NTM: variants seen among roughly 807,000 people sequenced by gnomAD.
NTM encodes the protein neurotrimin, also known as IgLON family member 2.
Under a neutral mutation model 42.1 loss-of-function variants are expected in NTM, and 13 were observed. That is an observed-to-expected ratio of 0.31 (90% confidence interval 0.20 to 0.49). NTM has a LOEUF of 0.49. Ranked by LOEUF, NTM falls within the 20% of genes least tolerant of loss-of-function variation. The probability of loss-of-function intolerance (pLI) is 0.99; values close to 1 mark genes in which losing one functional copy is unlikely to be tolerated. For synonymous variants in NTM, 187 were observed against 179.2 expected, an observed-to-expected ratio of 1.04 and a Z score of -0.35; for missense variants, 373 against 452.8, an observed-to-expected ratio of 0.82 and a Z score of 1.60.
chr11:131,899,785 T>A (rs1259712212), intron 1 of NTM, among the ~76,000 whole-genome samples: 8 of 152,212 alleles, frequency 5.3e-5, no homozygotes, highest in Non-Finnish European at 1.2e-4. Flanking sequence ...AGAGTTTTTT[T>A]ATTTTATTTT....
chr11:131,698,682 G>A (rs752841254), intron 1 of NTM, among the ~76,000 whole-genome samples: 20 of 152,354 alleles, frequency 1.3e-4, no homozygotes, highest in Middle Eastern at 3.4e-3. Context: ...TTTCCAAGGT[G>A]TACATGGCGA....
At chr11:131,383,108 C>A (rs997007100) in intron 1 of NTM, among the ~76,000 whole-genome samples, 1 of 152,138 alleles carries the variant, frequency 6.6e-6, no homozygotes, top group African/African-American at 2.4e-5. Flanking sequence ...TTTTCGATCC[C>A]GATGAGATGT....
At chr11:132,171,162 T>C (rs544311355) in intron 3 of NTM, among the ~76,000 whole-genome samples, 2 of 152,306 alleles carry the variant, frequency 1.3e-5, no homozygotes, top group Non-Finnish European at 2.9e-5. Context: ...TCTTCAGATG[T>C]TAGCTGACTT....
At chr11:132,083,086 A>G (rs1477376083) in intron 2 of NTM, among the ~76,000 whole-genome samples, 1 of 152,164 alleles carries the variant, frequency 6.6e-6, no homozygotes, top group South Asian at 2.1e-4. Context: ...TTTGCAGGAT[A>G]ATTGCCCAGA....
chr11:132,069,390 A>G (rs1247559285), intron 2 of NTM, among the ~76,000 whole-genome samples: 4 of 102,292 alleles, frequency 3.9e-5, no homozygotes, highest in Admixed American at 1.9e-4. Flanking sequence ...CACGTCACTC[A>G]GCCAAGTTAA....
chr11:131,915,710 A>T (rs550901859), intron 2 of NTM, among the ~76,000 whole-genome samples: 1 of 152,288 alleles, frequency 6.6e-6, no homozygotes, highest in South Asian at 2.1e-4. Context: ...GAGGCCTCAC[A>T]ATCATGGCAG....
chr11:131,966,521 G>T (rs573742977), intron 2 of NTM, among the ~76,000 whole-genome samples: 6 of 152,298 alleles, frequency 3.9e-5, no homozygotes, highest in African/African-American at 1.4e-4. Context: ...TTATGGAGGC[G>T]ATGTTTAGCA....
chr11:132,293,266 A>G (rs1304371879), intron 4 of NTM, among the ~76,000 whole-genome samples: 1 of 152,232 alleles, frequency 6.6e-6, no homozygotes, highest in Non-Finnish European at 1.5e-5. Context: ...TTTGAAAAAG[A>G]TGGAGCAAGC....
intron 2 of NTM, among the ~76,000 whole-genome samples, chr11:131,949,879 T>G (rs185551122): frequency 1.8e-4 from 27 of 149,936 alleles, no homozygotes; most frequent in African/African-American, 6.6e-4. Flanking sequence ...TTCATCCTAT[T>G]GAGACTCTCC....
chr11:131,810,933 G>A (rs903921880), intron 1 of NTM, among the ~76,000 whole-genome samples: 13 of 152,114 alleles, frequency 8.5e-5, no homozygotes, highest in Non-Finnish European at 1.3e-4. Context: ...GTCAGCTTAT[G>A]GTGTGATGTA....
chr11:131,386,785 C>A (rs1307020364), intron 1 of NTM, among the ~76,000 whole-genome samples: 1 of 152,134 alleles, frequency 6.6e-6, no homozygotes, highest in East Asian at 1.9e-4. Context: ...GTATTAATCA[C>A]TTTTCCCTCA....
At chr11:131,550,926 A>T (rs2054580718) in intron 1 of NTM, among the ~76,000 whole-genome samples, 2 of 152,088 alleles carry the variant, frequency 1.3e-5, no homozygotes, top group Non-Finnish European at 2.9e-5. Flanking sequence ...AGTGTTACGT[A>T]GTTTGTTAAT....
At chr11:132,267,752 G>A (rs188931401) in intron 4 of NTM, among the ~76,000 whole-genome samples, 41 of 151,412 alleles carry the variant, frequency 2.7e-4, no homozygotes, top group Admixed American at 9.2e-4. Flanking sequence ...TGATGCAGGA[G>A]AATCACTTGA....
At chr11:131,895,894 G>A (rs2052189339) in intron 1 of NTM, among the ~76,000 whole-genome samples, 1 of 152,154 alleles carries the variant, frequency 6.6e-6, no homozygotes, top group African/African-American at 2.4e-5. Flanking sequence ...CATCTACACA[G>A]TTTGTGATAT....
At chr11:131,816,976 A>T (rs1205122798) in intron 1 of NTM, among the ~76,000 whole-genome samples, 1 of 152,142 alleles carries the variant, frequency 6.6e-6, no homozygotes, top group African/African-American at 2.4e-5. Context: ...TCTTCCCTGA[A>T]ATTTTTAACT....
intron 1 of NTM, among the ~76,000 whole-genome samples, chr11:131,658,830 G>A (rs536488371): frequency 6.6e-6 from 1 of 152,166 alleles, no homozygotes; most frequent in African/African-American, 2.4e-5. Context: ...AATTAGCTGG[G>A]CATGGTGGCA....
intron 4 of NTM, among the ~76,000 whole-genome samples, chr11:132,236,613 G>A (rs1349102264): frequency 6.6e-6 from 1 of 152,152 alleles, no homozygotes; most frequent in South Asian, 2.1e-4. Flanking sequence ...TACTTGAATC[G>A]ACAGGGATGG....
chr11:131,469,571 G>A (rs1952230277), intron 1 of NTM, among the ~76,000 whole-genome samples: 1 of 152,132 alleles, frequency 6.6e-6, no homozygotes, highest in Non-Finnish European at 1.5e-5. Context: ...AGTTGCCTTG[G>A]GCGCTGCCTA....
intron 1 of NTM, among the ~76,000 whole-genome samples, chr11:131,900,919 G>C (rs990366685): frequency 6.6e-6 from 1 of 152,098 alleles, no homozygotes; most frequent in African/African-American, 2.4e-5. Flanking sequence ...GCCAACACTT[G>C]TTTTTTGGCA....
Sources: gnomAD v4.1 joint callset for allele counts (sites outside exome capture counted in the v4.1 genomes callset) on GRCh38, gnomAD v4.1.1 for gene constraint, MANE v1.5 for transcripts, NCBI Gene and HGNC (gene_info 2026-07-23, HGNC 2026-07-21) for gene names.